Variants in CABP7 observed in about 807,000 individuals in gnomAD.
CABP7 encodes calcium-binding protein 7.
In CABP7, 13 loss-of-function variants were observed where a neutral mutation model predicts 23.1. The observed-to-expected ratio is 0.56, with a 90% confidence interval of 0.37 to 0.90. The LOEUF (loss-of-function observed/expected upper bound fraction) is 0.90. Ranked by LOEUF, CABP7 falls within the 40% of genes least tolerant of loss-of-function variation. The pLI, the probability that CABP7 is intolerant of heterozygous loss-of-function variation, is 0.01. For synonymous variants in CABP7, 123 were observed against 115.3 expected, an observed-to-expected ratio of 1.07 and a Z score of -0.43; for missense variants, 248 against 295.6, an observed-to-expected ratio of 0.84 and a Z score of 1.18.
rs1458957559 is a variant in CABP7, at chr22:29,721,195, G to A, written c.109+662G>A. The stretch of plus-strand genomic sequence containing the variant: ...CGATAGCCAAGCCTGGAAGGGAAAG[G>A]CAGAGAGGCCAGGACCCAAACCCGC... On this transcript the variant is annotated intron_variant, in intron 1 of 4. Transcript: ENST00000216144. 2.0e-5 allele frequency among the ~76,000 whole-genome samples: 3 copies of A among 152,146 alleles called. No individual in the cohort carries two copies. The East Asian group carries it at 5.8e-4, about 30-fold the overall frequency.
intron 1 of CABP7, among the ~76,000 whole-genome samples, chr22:29,725,149 C>T (rs1004673140): frequency 6.6e-6 from 1 of 152,132 alleles, no homozygotes; most frequent in Non-Finnish European, 1.5e-5. Flanking sequence ...ACACCACCGT[C>T]TGGCCCCCAC....
Position 29,727,612 on chromosome 22 carries a change from G to A in CABP7, c.110-50G>A, listed in dbSNP as rs368271739. 7.5e-6 allele frequency: 12 copies of A among 1,609,582 alleles called. No individual in the cohort carries two copies. In the African/African-American group the frequency reaches 1.2e-4, roughly 16 times the overall value. On this transcript the variant is annotated intron_variant, in intron 1 of 4. Transcript: ENST00000216144. This position sits in a 1 kb window ranked among gnomAD's most constrained non-coding sequence, Gnocchi z 4.2. ...GTGATCCTGGGGGTCTGGAAAGGGGGTCTGTTGGGGACCGGGGTGAAGTCC... is the reference window on the plus strand; with the variant it reads ...GTGATCCTGGGGGTCTGGAAAGGGGATCTGTTGGGGACCGGGGTGAAGTCC...
In CABP7 at chr22:29,727,846, G is replaced by A; in HGVS notation, c.253+41G>A. On this transcript the variant is annotated intron_variant, in intron 2 of 4. Transcript: ENST00000216144. This position sits in a 1 kb window ranked among gnomAD's most constrained non-coding sequence, Gnocchi z 4.2. ...CCTCGGTTTCCCCACCTGGCATCTG[G>A]GCCCTGGGGGTGGGGCAGGGGCTGG... 1 of 1,586,544 alleles carries A rather than the reference G, an allele frequency of 6.3e-7. No homozygotes were observed. Among genetic ancestry groups the A allele is most frequent in the Non-Finnish European group, 8.6e-7 (1 of 1,164,510 alleles).
Position 29,729,435 on chromosome 22 carries a change from G to A in CABP7, c.521-7G>A. The A allele has an allele frequency of 1.2e-6, 2 of 1,608,780 alleles. No homozygotes were observed. Among genetic ancestry groups the A allele is most frequent in the Non-Finnish European group, 1.7e-6 (2 of 1,179,760 alleles). ...GTCTCCCCGGTGCTCCCGGCGGGCG[G>A]CCACAGCCTGCTCCAACCAGCAGAT... On this transcript the variant is annotated splice_region_variant and splice_polypyrimidine_tract_variant and intron_variant, in intron 4 of 4. Coordinates refer to ENST00000216144, the MANE Select transcript of CABP7 (RefSeq NM_182527.3).
In CABP7 at chr22:29,729,500, C is replaced by T. The variant is rs371482198; in HGVS notation, c.579C>T (p.Phe193=). ...TCVRKSLICA[F]AIAFIISVML... is the part of the protein sequence containing the mutation. ...TGCGCAAGAGTCTCATCTGCGCCTT[C>T]GCCATCGCCTTCATCATCAGTGTCA... is the stretch of plus-strand genomic sequence containing the variant. Residue 193 remains phenylalanine, a synonymous_variant, in exon 5 of 5, where the codon TTC becomes TTT. Transcript: ENST00000216144. 8.7e-6 allele frequency: 14 copies of T among 1,612,468 alleles called. No individual in the cohort carries two copies. Among genetic ancestry groups the T allele is most frequent in the East Asian group, 6.7e-5 (3 of 44,898 alleles).
chr22:29,731,065 C>G lies in CABP7; in HGVS notation c.*1496C>G. ...AGGGGAGAGCTGCCCGGTGCAGACC[C>G]AGGACGAGGGCTGCACTTGGTGTGG... is the stretch of plus-strand genomic sequence containing the variant. On this transcript the variant is annotated 3_prime_UTR_variant, in exon 5 of 5. Transcript: ENST00000216144. The G allele has an allele frequency of 4.3e-6, 3 of 702,900 alleles. No homozygotes were observed. The highest frequency in any genetic ancestry group is 6.1e-5 in the East Asian group (2 of 32,810). 43.5% of individuals were successfully genotyped at this position (702,900 alleles called of 1,614,324 possible).
At chr22:29,721,773 C>T (rs1402583960) in intron 1 of CABP7, among the ~76,000 whole-genome samples, 1 of 152,172 alleles carries the variant, frequency 6.6e-6, no homozygotes, top group East Asian at 1.9e-4. Flanking sequence ...CATGAGCCAC[C>T]AGGCTCCTCA....
At position 29,728,745 on chromosome 22, in the gene CABP7, A is replaced by G. The variant is rs774567898; in HGVS notation, c.366+3A>G. 3 of 1,600,538 alleles carry G rather than the reference A, an allele frequency of 1.9e-6. No individual in the cohort carries two copies. Among genetic ancestry groups the G allele is most frequent in the Non-Finnish European group, 2.6e-6 (3 of 1,168,104 alleles). ...ACTTTGATACTGTCTTCTGGAAGGT[A>G]TCCCCTGGCTAGTTGGGACCCAGGG... On this transcript the variant is annotated splice_donor_region_variant and intron_variant, in intron 3 of 4. Transcript: ENST00000216144.
At position 29,720,411 on chromosome 22, in the gene CABP7, G is replaced by T. The variant is rs545117020; in HGVS notation, c.-14G>T. On this transcript the variant is annotated 5_prime_UTR_variant, in exon 1 of 5. Transcript: ENST00000216144. The surrounding 1 kb of genome is among the most constrained non-coding windows in gnomAD (Gnocchi z 5.2). ...CAAAGTTTGCGGCGGGCGGGCGGGC[G>T]CGGAGCCTCCAAGATGCCGTTCCAC... 224 of 1,478,436 alleles carry T rather than the reference G, an allele frequency of 1.5e-4. No homozygotes were observed. The South Asian group carries it at 2.7e-3, about 18-fold the overall frequency. The allele number at this position is 1,478,436 out of a possible 1,614,324, so 91.6% of individuals were successfully genotyped here.
Position 29,731,607 on chromosome 22 carries a change from C to T in CABP7, c.*2038C>T, listed in dbSNP as rs1346280623. On this transcript the variant is annotated 3_prime_UTR_variant, in exon 5 of 5. Transcript: ENST00000216144. ...GAGACAATGGGAATAACCTTCGTGT[C>T]CACCTGTGGGGGACTGATTCAATAC... is the stretch of plus-strand genomic sequence containing the variant. 1 of 457,410 alleles carries T rather than the reference C, an allele frequency of 2.2e-6. No homozygotes were observed. Among genetic ancestry groups the T allele is most frequent in the Non-Finnish European group, 3.8e-6 (1 of 261,874 alleles). The allele number at this position is 457,410 out of a possible 1,614,324, so 28.3% of individuals were successfully genotyped here. A position where few individuals can be genotyped will look rare whatever the true frequency, so the allele number is the denominator to read the frequency against.
Position 29,720,004 on chromosome 22 carries a change from C to CTTCT in CABP7, c.-421_-420insTTCT, listed in dbSNP as rs1265765606. On this transcript the variant is annotated 5_prime_UTR_variant, in exon 1 of 5. Coordinates refer to ENST00000216144, the MANE Select transcript of CABP7 (RefSeq NM_182527.3). This position sits in a 1 kb window ranked among gnomAD's most constrained non-coding sequence, Gnocchi z 5.2. ...GGCGGGGAGCGCAGCCAGCGCGGCA[C>CTTCT]AGAACGAGCGAGCGAGCGAGCGGAG... 1 of 148,766 alleles carries CTTCT rather than the reference C, an allele frequency of 6.7e-6. No individual in the cohort carries two copies. Among genetic ancestry groups the CTTCT allele is most frequent in the Admixed American group, 6.7e-5 (1 of 14,972 alleles). The allele number at this position is 148,766 out of a possible 1,614,324, so 9.2% of individuals were successfully genotyped here.
chr22:29,728,802 C>A, intron 3 of CABP7, 60 bp downstream of exon 3: 2 of 1,278,152 alleles, frequency 1.6e-6, no homozygotes, highest in South Asian at 1.2e-5. Flanking sequence ...GTTCTGGAGC[C>A]AGTGAATGGC....
intron 4 of CABP7, 88 bp downstream of exon 4, chr22:29,729,296 C>A: frequency 6.4e-7 from 1 of 1,573,716 alleles, no homozygotes; most frequent in Non-Finnish European, 8.7e-7. Flanking sequence ...CAGAGGGGGG[C>A]TGGGGGCCTC....
At chr22:29,728,508 G>A in intron 2 of CABP7, 122 bp from the exon 3 acceptor site, 1 of 620,736 alleles carries the variant, frequency 1.6e-6, no homozygotes, top group East Asian at 2.7e-5. Flanking sequence ...GAGAAGGCGG[G>A]CACCTGCCTA....
In CABP7 at chr22:29,720,567, C is replaced by A; in HGVS notation, c.109+34C>A. The A allele has an allele frequency of 7.0e-7, 1 of 1,437,550 alleles. No individual in the cohort carries two copies. 89.0% of individuals were successfully genotyped at this position (1,437,550 alleles called of 1,614,324 possible). ...CCGCCGGGATCCCCGCCCCGGCGGC[C>A]CTCCTACCTGTGCGCCCAGGTGAAG... On this transcript the variant is annotated intron_variant, in intron 1 of 4. Transcript: ENST00000216144. The surrounding 1 kb of genome is among the most constrained non-coding windows in gnomAD (Gnocchi z 5.2).
Position 29,730,929 on chromosome 22 carries a change from C to T in CABP7, c.*1360C>T, listed in dbSNP as rs2067835153. 1 of 243,418 alleles carries T rather than the reference C, an allele frequency of 4.1e-6. No homozygotes were observed. The highest frequency in any genetic ancestry group is 7.8e-6 in the Non-Finnish European group (1 of 128,244). 15.1% of individuals were successfully genotyped at this position (243,418 alleles called of 1,614,324 possible). A position where few individuals can be genotyped will look rare whatever the true frequency, so the allele number is the denominator to read the frequency against. ...GCTGGAGAACAGAGCTCAGAGCACC[C>T]AGTGTAGGGAAACACAGCCAGACCA... On this transcript the variant is annotated 3_prime_UTR_variant, in exon 5 of 5. Coordinates refer to ENST00000216144, the MANE Select transcript of CABP7 (RefSeq NM_182527.3).
intron 1 of CABP7, among the ~76,000 whole-genome samples, chr22:29,721,066 A>G (rs1013512527): frequency 6.6e-6 from 1 of 152,092 alleles, no homozygotes; most frequent in African/African-American, 2.4e-5. Flanking sequence ...CTGCGGCCGT[A>G]GCCCCTTCCC....
In CABP7 at chr22:29,730,796, C is replaced by T. The variant is rs2067833998; in HGVS notation, c.*1227C>T. 6.5e-6 allele frequency: 1 copy of T among 153,498 alleles called. No individual in the cohort carries two copies. The highest frequency in any genetic ancestry group is 1.5e-5 in the Non-Finnish European group (1 of 68,898). The allele number at this position is 153,498 out of a possible 1,614,324, so 9.5% of individuals were successfully genotyped here. The stretch of plus-strand genomic sequence containing the variant: ...GGGCACAGCCACCCTGGCACACCCT[C>T]TGCCTGGCCGTGCTGAACCTCTGCT... On this transcript the variant is annotated 3_prime_UTR_variant, in exon 5 of 5. Transcript: ENST00000216144.
Position 29,727,249 on chromosome 22 carries a change from C to T in CABP7, c.110-413C>T, listed in dbSNP as rs1222819951. 8.7e-5 allele frequency among the ~76,000 whole-genome samples: 6 copies of T among 69,072 alleles called. No individual in the cohort carries two copies. The East Asian group carries it at 1.4e-3, about 16-fold the overall frequency. 45.3% of individuals were successfully genotyped at this position (69,072 alleles called of 152,430 possible). On this transcript the variant is annotated intron_variant, in intron 1 of 4. Coordinates refer to ENST00000216144, the MANE Select transcript of CABP7 (RefSeq NM_182527.3). This position sits in a 1 kb window ranked among gnomAD's most constrained non-coding sequence, Gnocchi z 4.2. Reference sequence around the variant, plus strand: ...TCCGAGCCTGGGGGAGGAGGCGCAGCGGGATGGAGATGGTGGGGGAGAGGG... The same window carrying T: ...TCCGAGCCTGGGGGAGGAGGCGCAGTGGGATGGAGATGGTGGGGGAGAGGG...
Sources: gnomAD v4.1 joint callset for allele counts (sites outside exome capture counted in the v4.1 genomes callset) on GRCh38, gnomAD v4.1.1 for gene constraint, Gnocchi (gnomAD v3.1) non-coding constraint, MANE v1.5 for transcripts, NCBI Gene and HGNC (gene_info 2026-07-23, HGNC 2026-07-21) for gene names.